The following DNASE1L1 variants were observed in gnomAD, a reference collection of about 807,000 sequenced individuals.
The protein encoded by DNASE1L1 is deoxyribonuclease-1-like 1.
A neutral mutation model predicts 18.6 loss-of-function variants in DNASE1L1; 8 were observed. The ratio of observed to expected loss-of-function variants is 0.43; its 90% CI spans 0.25 to 0.78. DNASE1L1 has a LOEUF of 0.78. DNASE1L1 is among the 30% of genes least tolerant of loss of function. The pLI, the probability that DNASE1L1 is intolerant of heterozygous loss-of-function variation, is 0.23. For synonymous variants in DNASE1L1, 114 were observed against 114.2 expected, an observed-to-expected ratio of 1.00 and a Z score of 0.01; for missense variants, 214 against 258.2, an observed-to-expected ratio of 0.83 and a Z score of 1.17.
chrX:154,410,828 G>A (rs1224330827), upstream of DNASE1L1, among the ~76,000 whole-genome samples: 1 of 110,597 alleles, frequency 9.0e-6, no homozygotes, highest in African/African-American at 3.3e-5. Flanking sequence ...GCAGTGAGCC[G>A]AGATTGTGCC....
chrX:154,411,023 G>A (rs191963565), upstream of DNASE1L1, among the ~76,000 whole-genome samples: 205 of 112,444 alleles, frequency 1.8e-3, no homozygotes, highest in African/African-American at 6.2e-3. Context: ...ATAAAATACT[G>A]TTTCTTGTAT....
intron 2 of DNASE1L1, 80 bp from the exon 3 acceptor site, chrX:154,405,163 G>A (rs1408849597): frequency 3.0e-6 from 3 of 1,005,290 alleles, no homozygotes; most frequent in African/African-American, 1.9e-5. Flanking sequence ...GACTGGCACT[G>A]TTGTGGCCCA....
At chrX:154,406,559 G>A (rs1264174602) in intron 1 of DNASE1L1, among the ~76,000 whole-genome samples, 2 of 107,852 alleles carry the variant, frequency 1.9e-5, no homozygotes, top group Non-Finnish European at 3.8e-5. Context: ...AGTAGAGATG[G>A]GGTTTCTTCA....
intron 7 of DNASE1L1, 21 bp from the exon 8 acceptor site, chrX:154,402,862 A>G: frequency 1.7e-6 from 2 of 1,205,915 alleles, no homozygotes; most frequent in Non-Finnish European, 2.2e-6. Context: ...GTGGTGGGGC[A>G]GTGTCAGTGC....
At position 154,401,883 on chromosome X, in the gene DNASE1L1, A is replaced by G. The variant is rs1286926412; in HGVS notation, c.*824T>C. 1 of 111,664 alleles carries G rather than the reference A, an allele frequency of 9.0e-6. No individual in the cohort carries two copies. Among genetic ancestry groups the G allele is most frequent in the African/African-American group, 3.3e-5 (1 of 30,622 alleles). 9.2% of individuals were successfully genotyped at this position (111,664 alleles called of 1,213,427 possible). ...ATTATAGTTAACACATGACCCTTCT[A>G]GCGTCCCAGCCAGTGTTTTTCCTGA... On this transcript the variant is annotated 3_prime_UTR_variant, in exon 8 of 8. Transcript: ENST00000369807.
chrX:154,408,973 G>T, intron 1 of DNASE1L1, 139 bp downstream of exon 1: 1 of 251,073 alleles, frequency 4.0e-6, no homozygotes, highest in South Asian at 4.1e-5. Context: ...AGAGAGCGAC[G>T]GTTCCTGGCT....
At chrX:154,411,307 G>T (rs1286175437), upstream of DNASE1L1, among the ~76,000 whole-genome samples, 1 of 111,984 alleles carries the variant, frequency 8.9e-6, no homozygotes, top group Non-Finnish European at 1.9e-5. Flanking sequence ...GATCGAGGCT[G>T]CAGTGAGCCA....
At position 154,403,012 on chromosome X, in the gene DNASE1L1, C is replaced by T. The variant is rs782154480; in HGVS notation, c.704G>A (p.Arg235His). 4.2e-5 allele frequency: 51 copies of T among 1,210,192 alleles called. No homozygotes were observed. In the Middle Eastern group the frequency reaches 9.2e-4, roughly 22 times the overall value. Reference protein sequence around the residue: ...TYDRVVLHGERCRSLLHTAAA... With the variant: ...TYDRVVLHGEHCRSLLHTAAA... Reference sequence around the variant, plus strand: ...CGCAGTGTGCAGCAGACTCCGGCAGCGCTCCCCGTGCAGCACGACGCGGTC... The same window carrying T: ...CGCAGTGTGCAGCAGACTCCGGCAGTGCTCCCCGTGCAGCACGACGCGGTC... Residue 235 changes from arginine to histidine, a missense_variant, in exon 7 of 8, where the codon CGC becomes CAC. Transcript: ENST00000369807.
upstream of DNASE1L1, among the ~76,000 whole-genome samples, chrX:154,410,316 G>A (rs782819733): frequency 9.0e-6 from 1 of 111,191 alleles, no homozygotes; most frequent in African/African-American, 3.3e-5. Context: ...CACTTTGGGA[G>A]GAGAGGCAGA....
At position 154,405,065 on chromosome X, in the gene DNASE1L1, T is replaced by C. The variant is rs781860537; in HGVS notation, c.154A>G (p.Ile52Val). The change falls in exon 3 of 8, where the codon ATC (isoleucine) becomes GTC (valine). Residue 52 changes from isoleucine to valine, a missense_variant. Transcript: ENST00000369807. ...TLVRILARCD[I>V]MVLQEVVDSS... ...TCCACCACCTCCTGCAGCACCATGA[T>C]GTCACAGCGAGCCAGTATCTGTGGG... The C allele has an allele frequency of 8.3e-7, 1 of 1,210,754 alleles. No individual in the cohort carries two copies. The highest frequency in any genetic ancestry group is 1.1e-6 in the Non-Finnish European group (1 of 895,009).
In DNASE1L1 at chrX:154,404,843, T is replaced by TA; in HGVS notation, c.295dup (p.Tyr99LeufsTer21). ...CCGTGCTCACCGATAGAAGTACACA[T>TA]ACGTCTCCATGTAGGTGCTGCGCCC... On this transcript the variant is annotated frameshift_variant, in exon 4 of 8. Transcript: ENST00000369807. LOFTEE classifies it high-confidence loss of function. The TA allele has an allele frequency of 1.7e-6, 2 of 1,210,982 alleles. No individual in the cohort carries two copies. Among genetic ancestry groups the TA allele is most frequent in the Non-Finnish European group, 2.2e-6 (2 of 895,178 alleles).
chrX:154,410,710 A>G (rs2068258840), upstream of DNASE1L1, among the ~76,000 whole-genome samples: 1 of 104,272 alleles, frequency 9.6e-6, no homozygotes, highest in South Asian at 4.2e-4. Flanking sequence ...TCTCTACTAA[A>G]ATACAAAAAA....
upstream of DNASE1L1, chrX:154,411,998 C>T (rs888129002): frequency 8.3e-6 from 10 of 1,199,566 alleles, no homozygotes; most frequent in African/African-American, 5.2e-5. Flanking sequence ...TACCCATGCC[C>T]GGCCGGAGGT....
At chrX:154,409,805 G>C (rs1442393740), upstream of DNASE1L1, 1 of 112,639 alleles carries the variant, frequency 8.9e-6, no homozygotes, top group Non-Finnish European at 1.9e-5. Context: ...TGGGGGTCCT[G>C]CAGTAATGCT....
At chrX:154,404,791 G>GC in intron 4 of DNASE1L1, 37 bp downstream of exon 4, 2 of 1,177,670 alleles carry the variant, frequency 1.7e-6, no homozygotes, top group South Asian at 1.9e-5. Context: ...GCCAAGGACC[G>GC]CCCCCCACCC....
Position 154,405,022 on chromosome X carries a change from A to G in DNASE1L1, c.197T>C (p.Ile66Thr), listed in dbSNP as rs1557188017. ...QEVVDSSGSAIPLLLRELNRF... is the reference protein window; with the variant it reads ...QEVVDSSGSATPLLLRELNRF... ...ATTGAGTTCTCGAAGCAGGAGCGGGATGGCGCTGCCGGAAGAGTCCACCAC... is the reference window on the plus strand; with the variant it reads ...ATTGAGTTCTCGAAGCAGGAGCGGGGTGGCGCTGCCGGAAGAGTCCACCAC... Residue 66 changes from isoleucine (I) to threonine (T), a missense_variant, in exon 3 of 8, where the codon ATC becomes ACC. Transcript: ENST00000369807. The G allele has an allele frequency of 1.7e-6, 2 of 1,209,233 alleles. No individual in the cohort carries two copies. The highest frequency in any genetic ancestry group is 2.2e-5 in the Admixed American group (1 of 45,847).
chrX:154,403,514 C>A lies in DNASE1L1; in HGVS notation c.412+8G>T. ...TCCCACATACCAAGCCCACCCTTCC[C>A]TTCCTACCATTGCTGGGCAAAGAGA... On this transcript the variant is annotated splice_region_variant and intron_variant, in intron 5 of 7. Coordinates refer to ENST00000369807, the MANE Select transcript of DNASE1L1 (RefSeq NM_001303620.2). 8.3e-7 allele frequency: 1 copy of A among 1,210,022 alleles called. No homozygotes were observed. Among genetic ancestry groups the A allele is most frequent in the African/African-American group, 1.7e-5 (1 of 57,818 alleles).
At chrX:154,403,236 C>T (rs1443208663) in intron 6 of DNASE1L1, 33 bp downstream of exon 6, 4 of 1,207,482 alleles carry the variant, frequency 3.3e-6, no homozygotes, top group Non-Finnish European at 4.5e-6. Flanking sequence ...CCACCCTATC[C>T]TTGTCCCTCC....
rs2068121451 is a variant in DNASE1L1 at position 154,405,030 on chromosome X, G to A, written c.189C>T (p.Gly63=). The change falls in exon 3 of 8, where the codon GGC becomes GGT. Residue 63 remains glycine (G), a synonymous_variant. Coordinates refer to ENST00000369807, the MANE Select transcript of DNASE1L1 (RefSeq NM_001303620.2). ...MVLQEVVDSS[G]SAIPLLLREL... ...CTCGAAGCAGGAGCGGGATGGCGCT[G>A]CCGGAAGAGTCCACCACCTCCTGCA... The A allele has an allele frequency of 8.3e-7, 1 of 1,209,635 alleles. No individual in the cohort carries two copies. The highest frequency in any genetic ancestry group is 1.1e-6 in the Non-Finnish European group (1 of 894,793).
Sources: gnomAD v4.1 joint callset for allele counts (sites outside exome capture counted in the v4.1 genomes callset) on GRCh38, gnomAD v4.1.1 for gene constraint, MANE v1.5 for transcripts, NCBI Gene and HGNC (gene_info 2026-07-23, HGNC 2026-07-21) for gene names.